Variants in IREB2 observed in about 807,000 individuals in gnomAD.
IREB2 encodes the protein iron responsive element binding protein 2, also known as iron-responsive element-binding protein 2.
IREB2 carries 39 observed loss-of-function variants against 118.8 expected under a neutral mutation model. The observed-to-expected ratio is 0.33, with a 90% CI of 0.25 to 0.43. The LOEUF is 0.43. Ranked by LOEUF, IREB2 falls within the 20% of genes least tolerant of loss-of-function variation. IREB2 has a pLI of 1.00. For missense variants in IREB2, 900 were observed against 1,147.3 expected (o/e 0.78, Z 3.11); for synonymous variants, 372 against 392.2 (o/e 0.95, Z 0.61).
At chr15:78,477,091 G>A (rs186935510) in intron 9 of IREB2, among the ~76,000 whole-genome samples, 6 of 152,286 alleles carry the variant, frequency 3.9e-5, no homozygotes, top group African/African-American at 1.4e-4. Context: ...TTGATGAATG[G>A]TTATATAGAA....
At chr15:78,460,291 G>T (rs1380760986) in intron 2 of IREB2, among the ~76,000 whole-genome samples, 5 of 152,056 alleles carry the variant, frequency 3.3e-5, no homozygotes, top group African/African-American at 2.4e-5. Context: ...AAGTACTTTT[G>T]TCTATTTGGT....
rs1240864934 is a variant in IREB2 at position 78,459,155 on chromosome 15, A to G, written c.107-3767A>G. On this transcript the variant is annotated intron_variant, in intron 2 of 21. Transcript: ENST00000258886. The stretch of plus-strand genomic sequence containing the variant: ...GAATACTTTTGTAACCCACCATGTA[A>G]TTGTCAGCCATTTATCAGCATTTTG... Among the ~76,000 whole-genome samples the G allele has an allele frequency of 2.6e-5, 4 of 152,094 alleles. 1 individual carries two copies. The South Asian group carries it at 6.2e-4, about 24-fold the overall frequency.
intron 2 of IREB2, among the ~76,000 whole-genome samples, chr15:78,441,874 G>A (rs984602793): frequency 2.6e-5 from 4 of 152,058 alleles, no homozygotes; most frequent in African/African-American, 9.7e-5. Context: ...TGTGGGGTCA[G>A]TACCCTGGTT....
rs768454998 is a variant in IREB2 at position 78,476,373 on chromosome 15, A to G, written c.1195+14A>G. 6.7e-7 allele frequency: 1 copy of G among 1,499,292 alleles called. No individual in the cohort carries two copies. The allele number at this position is 1,499,292 out of a possible 1,614,324, so 92.9% of individuals were successfully genotyped here. ...TAGAACATACAGGTAAGAAGATAAA[A>G]GATCACTAGAATAAACATGTTACAT... On this transcript the variant is annotated intron_variant, in intron 9 of 21. Transcript: ENST00000258886.
At chr15:78,459,457 C>A (rs1459146653) in intron 2 of IREB2, among the ~76,000 whole-genome samples, 1 of 152,104 alleles carries the variant, frequency 6.6e-6, no homozygotes, top group African/African-American at 2.4e-5. Context: ...TCAAGCAATT[C>A]TTGAGCCTCA....
rs1385082441 is a variant in IREB2 at position 78,456,581 on chromosome 15, G to A, written c.107-6341G>A. ...CTCTGGAGGCTGAGGTGGGAGGATTGCCCGAGCCCAGGAGGTCAAGGGTGT... is the reference window on the plus strand; with the variant it reads ...CTCTGGAGGCTGAGGTGGGAGGATTACCCGAGCCCAGGAGGTCAAGGGTGT... On this transcript the variant is annotated intron_variant, in intron 2 of 21. Coordinates refer to ENST00000258886, the MANE Select transcript of IREB2 (RefSeq NM_004136.4). Among the ~76,000 whole-genome samples, 3 of 151,772 alleles carry A rather than the reference G, an allele frequency of 2.0e-5. No homozygotes were observed. In the East Asian group the frequency reaches 5.8e-4, roughly 29 times the overall value.
intron 1 of IREB2, among the ~76,000 whole-genome samples, chr15:78,439,029 G>A (rs2050803465): frequency 6.6e-6 from 1 of 152,062 alleles, no homozygotes; most frequent in Admixed American, 6.5e-5. Flanking sequence ...GCCACCCACC[G>A]CTATGAGTCT....
chr15:78,478,195 C>A, intron 9 of IREB2, 102 bp from the exon 10 acceptor site: 1 of 738,844 alleles, frequency 1.4e-6, no homozygotes, highest in South Asian at 1.7e-5. Context: ...GATTGCAGCA[C>A]TGCGCTCCAG....
rs112264133 is a variant in IREB2, at chr15:78,466,578, A to T, written c.629+89A>T. 4.9e-3 allele frequency: 4,127 copies of T among 842,926 alleles called. 161 individuals are homozygous for T. In the East Asian group the frequency reaches 0.089, roughly 18 times the overall value. 52.2% of individuals were successfully genotyped at this position (842,926 alleles called of 1,614,324 possible). On this transcript the variant is annotated intron_variant, in intron 5 of 21. Coordinates refer to ENST00000258886, the MANE Select transcript of IREB2 (RefSeq NM_004136.4). ...TTTATTCTCTTCCCACCCAATTACT[A>T]TTATGTTACCTTCACACTTAAGTAC...
chr15:78,475,184 G>C (rs2051448910), intron 8 of IREB2: 1 of 151,900 alleles, frequency 6.6e-6, no homozygotes, highest in Non-Finnish European at 1.5e-5. Flanking sequence ...TAAAATGTTA[G>C]GGCTTAATAT....
In IREB2 at chr15:78,466,414, G is replaced by C. The variant is rs528213818; in HGVS notation, c.554G>C (p.Arg185Pro). The C allele has an allele frequency of 2.7e-5, 44 of 1,614,028 alleles. No homozygotes were observed. In the South Asian group the frequency reaches 4.4e-4, roughly 16 times the overall value. ...RGSCDSGELG[R>P]NSGTFSSQIE... ...TCTTGTGATTCTGGAGAACTAGGCC[G>C]AAACTCAGGAACATTTTCTTCGCAG... is the stretch of plus-strand genomic sequence containing the variant. The change falls in exon 5 of 22, where the codon CGA becomes CCA. Residue 185 changes from arginine to proline, a missense_variant. Physicochemically the swap from Arg to Pro is moderately radical, Grantham distance 103 (BLOSUM62 -2). Transcript: ENST00000258886.
intron 2 of IREB2, among the ~76,000 whole-genome samples, chr15:78,455,766 T>A (rs949669627): frequency 6.6e-6 from 1 of 152,174 alleles, no homozygotes; most frequent in Non-Finnish European, 1.5e-5. Flanking sequence ...ATGATATTGT[T>A]GGAAAAGTTG....
intron 5 of IREB2, among the ~76,000 whole-genome samples, chr15:78,469,909 A>T (rs2051346868): frequency 6.6e-6 from 1 of 152,212 alleles, no homozygotes; most frequent in Non-Finnish European, 1.5e-5. Flanking sequence ...GATAAAAATA[A>T]TTTTTTAAAA....
Position 78,498,690 on chromosome 15 carries a change from A to C in IREB2, c.*547A>C, listed in dbSNP as rs2051884611. The C allele has an allele frequency of 6.5e-6, 1 of 152,874 alleles. No individual in the cohort carries two copies. The highest frequency in any genetic ancestry group is 2.4e-5 in the African/African-American group (1 of 41,452). The allele number at this position is 152,874 out of a possible 1,614,324, so 9.5% of individuals were successfully genotyped here. ...TTGTCATATAACCAGGTTTATCCTT[A>C]GTCTAACTGCAAGGGATGGAACCTG... is the stretch of plus-strand genomic sequence containing the variant. On this transcript the variant is annotated 3_prime_UTR_variant, in exon 22 of 22. Coordinates refer to ENST00000258886, the MANE Select transcript of IREB2 (RefSeq NM_004136.4).
chr15:78,468,008 C>T (rs916208519), intron 5 of IREB2, among the ~76,000 whole-genome samples: 73 of 152,190 alleles, frequency 4.8e-4, no homozygotes, highest in African/African-American at 1.3e-3. Context: ...TTCAGGCATG[C>T]ACCACCATGC....
At chr15:78,465,448 T>C in intron 4 of IREB2, 60 bp downstream of exon 4, 1 of 1,443,184 alleles carries the variant, frequency 6.9e-7, no homozygotes, top group South Asian at 1.3e-5. Flanking sequence ...AAATGTGTCA[T>C]GTAGAGGAAA....
At chr15:78,497,960 C>A in intron 21 of IREB2, 73 bp from the exon 22 acceptor site, 3 of 801,118 alleles carry the variant, frequency 3.7e-6, no homozygotes, top group Admixed American at 1.9e-5. Context: ...AATATGAAGA[C>A]AAATGGTCTT....
chr15:78,478,081 T>TTA (rs1566983882), intron 9 of IREB2, among the ~76,000 whole-genome samples: 1 of 126,550 alleles, frequency 7.9e-6, no homozygotes, highest in East Asian at 2.2e-4. Context: ...AAAACATTTG[T>TTA]AAAAAAAAAA....
chr15:78,443,657 G>T lies in IREB2; in HGVS notation c.106+3776G>T, dbSNP rs529466075. Among the ~76,000 whole-genome samples, 1,208 of 150,830 alleles carry T rather than the reference G, an allele frequency of 8.0e-3. 6 individuals are homozygous for T. Among genetic ancestry groups the T allele is most frequent in the Non-Finnish European group, 0.011 (740 of 67,636 alleles). ...TTTGTTTTTTGTTTTATTTTGTTTTGTTTTTTTGAGACAGAGGCTCGCTCT... is the reference window on the plus strand; with the variant it reads ...TTTGTTTTTTGTTTTATTTTGTTTTTTTTTTTTGAGACAGAGGCTCGCTCT... On this transcript the variant is annotated intron_variant, in intron 2 of 21. Transcript: ENST00000258886.
Sources: allele counts gnomAD v4.1 joint callset (sites outside exome capture counted in the v4.1 genomes callset), GRCh38; gene constraint gnomAD v4.1.1; transcripts MANE v1.5; gene names NCBI Gene and HGNC (gene_info 2026-07-23, HGNC 2026-07-21).